EPB41L2: variants seen among roughly 807,000 people sequenced by gnomAD.
The protein encoded by EPB41L2 is band 4.1-like protein 2.
A neutral mutation model predicts 113.0 loss-of-function variants in EPB41L2; 43 were observed. That is an observed-to-expected ratio of 0.38 (90% CI 0.30 to 0.49). The LOEUF is 0.49. EPB41L2 is among the 20% of genes least tolerant of loss of function. EPB41L2 has a pLI of 0.95. For missense variants in EPB41L2, 1,147 were observed against 1,223.4 expected (o/e 0.94, Z 0.93); for synonymous variants, 442 against 436.7 (o/e 1.01, Z -0.15).
rs1202103048 is a variant in EPB41L2 at position 130,876,836 on chromosome 6, AC to A, written c.2043+1267del. On this transcript the variant is annotated intron_variant, in intron 14 of 19. Transcript: ENST00000337057. ...AGACACATACATTACACCTATAGCA[AC>A]ACAAACACAAAATACTGACCCAGTG... 5 of 1,058,628 alleles carry A rather than the reference AC, an allele frequency of 4.7e-6. No individual in the cohort carries two copies. The African/African-American group carries it at 8.2e-5, about 17-fold the overall frequency. The allele number at this position is 1,058,628 out of a possible 1,614,324, so 65.6% of individuals were successfully genotyped here. A position where few individuals can be genotyped will look rare whatever the true frequency, so the allele number is the denominator to read the frequency against.
At chr6:131,031,665 T>C (rs1463509861) in intron 1 of EPB41L2, among the ~76,000 whole-genome samples, 1 of 152,152 alleles carries the variant, frequency 6.6e-6, no homozygotes, top group Non-Finnish European at 1.5e-5. Context: ...TGTAAACATT[T>C]ACAACCAAAA....
intron 1 of EPB41L2, among the ~76,000 whole-genome samples, chr6:131,052,248 T>C (rs1228069618): frequency 6.6e-6 from 1 of 152,174 alleles, no homozygotes; most frequent in East Asian, 1.9e-4. Context: ...CTGATGTTGA[T>C]TTTAATGGCC....
At chr6:130,948,280 A>G (rs1226988922) in intron 3 of EPB41L2, among the ~76,000 whole-genome samples, 1 of 152,226 alleles carries the variant, frequency 6.6e-6, no homozygotes, top group Admixed American at 6.5e-5. Context: ...ACTCTGCTTC[A>G]GGCAACACAG....
intron 1 of EPB41L2, among the ~76,000 whole-genome samples, chr6:131,049,922 A>G (rs4895909): frequency 0.28 from 42,558 of 151,904 alleles, 7,001 homozygotes; most frequent in Non-Finnish European, 0.37. Context: ...AGAGGGAACA[A>G]CTCTGGACAC....
intron 1 of EPB41L2, among the ~76,000 whole-genome samples, chr6:130,984,669 A>T (rs1584268512): frequency 6.6e-6 from 1 of 152,214 alleles, no homozygotes; most frequent in East Asian, 1.9e-4. Flanking sequence ...ATGCATTTTT[A>T]AAAAGATGCC....
chr6:130,914,797 G>A (rs1438982315), intron 4 of EPB41L2, among the ~76,000 whole-genome samples: 33 of 152,176 alleles, frequency 2.2e-4, no homozygotes, highest in Non-Finnish European at 7.4e-5. Context: ...CTACTTAAGA[G>A]CAGGAACAGT....
intron 14 of EPB41L2, chr6:130,872,372 T>A: frequency 7.8e-7 from 1 of 1,286,948 alleles, no homozygotes; most frequent in Non-Finnish European, 1.0e-6. Flanking sequence ...AAAATGCACC[T>A]CAAGCAAGTG....
intron 18 of EPB41L2, among the ~76,000 whole-genome samples, chr6:130,858,987 G>A (rs965563706): frequency 1.3e-5 from 2 of 152,218 alleles, no homozygotes; most frequent in African/African-American, 2.4e-5. Flanking sequence ...GTGAGCAGCA[G>A]GATAGGAGCA....
intron 8 of EPB41L2, among the ~76,000 whole-genome samples, chr6:130,897,153 G>T (rs1268279467): frequency 2.6e-5 from 4 of 151,708 alleles, no homozygotes; most frequent in Non-Finnish European, 5.9e-5. Flanking sequence ...CTGCACCTTT[G>T]TTGAGATTCC....
At chr6:130,912,540 A>G (rs1296417264) in intron 4 of EPB41L2, among the ~76,000 whole-genome samples, 2 of 152,198 alleles carry the variant, frequency 1.3e-5, no homozygotes, top group East Asian at 1.9e-4. Flanking sequence ...CTACCAGAGC[A>G]TGGTCTAGTT....
intron 3 of EPB41L2, among the ~76,000 whole-genome samples, chr6:130,940,716 G>A (rs1443998706): frequency 2.0e-5 from 3 of 152,126 alleles, no homozygotes; most frequent in South Asian, 2.1e-4. Flanking sequence ...TGATCTGCCC[G>A]CCTCGGCCTC....
chr6:130,918,147 A>C (rs1801711468), intron 4 of EPB41L2, among the ~76,000 whole-genome samples: 2 of 152,342 alleles, frequency 1.3e-5, no homozygotes, highest in East Asian at 3.9e-4. Context: ...TATAAAGTTT[A>C]ACTAGATTGA....
intron 1 of EPB41L2, among the ~76,000 whole-genome samples, chr6:131,019,684 AAAG>A (rs1789015431): frequency 6.6e-6 from 1 of 152,180 alleles, no homozygotes; most frequent in Non-Finnish European, 1.5e-5. Context: ...TCAATTCTTT[AAAG>A]AAGTGTGAAA....
intron 1 of EPB41L2, among the ~76,000 whole-genome samples, chr6:130,988,613 GAAT>G (rs1781115338): frequency 6.6e-6 from 1 of 152,150 alleles, no homozygotes; most frequent in African/African-American, 2.4e-5. Context: ...TGCATAACAA[GAAT>G]AGCATCAAGG....
intron 10 of EPB41L2, among the ~76,000 whole-genome samples, chr6:130,892,415 T>A (rs1583152283): frequency 6.8e-6 from 1 of 147,250 alleles, no homozygotes; most frequent in Non-Finnish European, 1.5e-5. Context: ...TTTTTTTTTT[T>A]TTTTTTTATC....
At chr6:130,872,481 T>C (rs772716728) in intron 14 of EPB41L2, 19 of 1,289,300 alleles carry the variant, frequency 1.5e-5, no homozygotes, top group South Asian at 3.7e-5. Context: ...GTGGCTTTCA[T>C]GCTATCAGAA....
At chr6:131,032,415 T>G (rs948115592) in intron 1 of EPB41L2, among the ~76,000 whole-genome samples, 4 of 152,142 alleles carry the variant, frequency 2.6e-5, no homozygotes, top group African/African-American at 9.7e-5. Context: ...AAAACTCGCT[T>G]GCACAGAAGG....
intron 11 of EPB41L2, among the ~76,000 whole-genome samples, chr6:130,887,839 C>G (rs1337386309): frequency 6.6e-6 from 1 of 152,124 alleles, no homozygotes; most frequent in Admixed American, 6.6e-5. Context: ...GTTCCTCAAC[C>G]CCCAAATGCA....
At chr6:130,957,683 C>CA (rs60309706) in intron 1 of EPB41L2, among the ~76,000 whole-genome samples, 17,689 of 145,956 alleles carry the variant, frequency 0.12, 1,287 homozygotes, top group African/African-American at 0.19. Context: ...TTGAATAAGT[C>CA]AAAAAAAAAA....
Sources: gnomAD v4.1 joint callset for allele counts (sites outside exome capture counted in the v4.1 genomes callset) on GRCh38, gnomAD v4.1.1 for gene constraint, MANE v1.5 for transcripts, NCBI Gene and HGNC (gene_info 2026-07-23, HGNC 2026-07-21) for gene names.